The following GALNTL6 variants were observed in gnomAD, a reference collection of about 807,000 sequenced individuals.
GALNTL6 encodes polypeptide N-acetylgalactosaminyltransferase-like 6.
A neutral mutation model predicts 73.7 loss-of-function variants in GALNTL6; 46 were observed. The ratio of observed to expected loss-of-function variants is 0.62; its 90% CI spans 0.49 to 0.80. The LOEUF is 0.80. Among genes scored for constraint, GALNTL6 ranks in the 30% least tolerant of loss-of-function variants. The pLI is 0.00. For missense variants in GALNTL6, 604 were observed against 755.0 expected (o/e 0.80, Z 2.34); for synonymous variants, 259 against 263.7 (o/e 0.98, Z 0.17).
At chr4:172,150,982 G>A (rs533489783) in intron 2 of GALNTL6, among the ~76,000 whole-genome samples, 1 of 152,104 alleles carries the variant, frequency 6.6e-6, no homozygotes, top group African/African-American at 2.4e-5. Flanking sequence ...TCTACTATTT[G>A]GCATATGACA....
chr4:172,136,134 G>A (rs1733630184), intron 2 of GALNTL6, among the ~76,000 whole-genome samples: 1 of 152,110 alleles, frequency 6.6e-6, no homozygotes, highest in Admixed American at 6.5e-5. Flanking sequence ...GTGAATGAGA[G>A]ATAAATTTCA....
intron 2 of GALNTL6, among the ~76,000 whole-genome samples, chr4:171,878,128 T>C (rs1013308357): frequency 2.6e-5 from 4 of 152,184 alleles, no homozygotes; most frequent in Non-Finnish European, 5.9e-5. Context: ...ATAGCATCAG[T>C]CATTTGTGTT....
chr4:172,182,492 T>C (rs1735280530), intron 2 of GALNTL6, among the ~76,000 whole-genome samples: 1 of 149,446 alleles, frequency 6.7e-6, no homozygotes, highest in Admixed American at 6.7e-5. Context: ...AGATGGGATA[T>C]ATTTAAATAA....
chr4:172,444,406 G>A (rs372096695), intron 5 of GALNTL6, among the ~76,000 whole-genome samples: 67 of 152,200 alleles, frequency 4.4e-4, no homozygotes, highest in East Asian at 1.7e-3. Flanking sequence ...AGGTAGGCCC[G>A]TGACTGTGGC....
intron 5 of GALNTL6, among the ~76,000 whole-genome samples, chr4:172,563,555 A>G (rs574626231): frequency 6.6e-5 from 10 of 152,338 alleles, no homozygotes; most frequent in Admixed American, 2.0e-4. Context: ...GTTAGTTACT[A>G]TACTCAAAGA....
At chr4:172,611,373 G>A (rs868718795) in intron 5 of GALNTL6, among the ~76,000 whole-genome samples, 7 of 151,714 alleles carry the variant, frequency 4.6e-5, no homozygotes, top group Middle Eastern at 3.2e-3. Context: ...AGAAAGTAAT[G>A]AATACTCTTA....
intron 5 of GALNTL6, among the ~76,000 whole-genome samples, chr4:172,434,279 G>T (rs1343013075): frequency 6.6e-6 from 1 of 152,014 alleles, no homozygotes; most frequent in Non-Finnish European, 1.5e-5. Flanking sequence ...ACTCTTAGAA[G>T]TATTCCATTC....
intron 5 of GALNTL6, among the ~76,000 whole-genome samples, chr4:172,556,233 C>A (rs1449139952): frequency 6.6e-6 from 1 of 152,014 alleles, no homozygotes; most frequent in Admixed American, 6.5e-5. Context: ...CATCTTTAAA[C>A]ATTTTTGTGA....
chr4:172,825,955 G>C (rs192791749), intron 7 of GALNTL6, among the ~76,000 whole-genome samples: 4 of 152,226 alleles, frequency 2.6e-5, no homozygotes, highest in South Asian at 2.1e-4. Context: ...TTAACTTTTT[G>C]TAGTAATAGA....
chr4:171,978,297 G>A (rs1276351431), intron 2 of GALNTL6, among the ~76,000 whole-genome samples: 3 of 152,142 alleles, frequency 2.0e-5, no homozygotes, highest in African/African-American at 7.2e-5. Flanking sequence ...AAAAACCACA[G>A]TGATTAAAAA....
chr4:173,034,483 G>T lies in GALNTL6; in HGVS notation c.1639-5450G>T, dbSNP rs553121366. Among the ~76,000 whole-genome samples, 5 of 152,084 alleles carry T rather than the reference G, an allele frequency of 3.3e-5. No individual in the cohort carries two copies. In the South Asian group the frequency reaches 1.0e-3, roughly 32 times the overall value. Reference sequence around the variant, plus strand: ...ATACCATATGACTTGCTGGTCTGTGGCACAAGACCCAACCTCCATCACCTC... The same window carrying T: ...ATACCATATGACTTGCTGGTCTGTGTCACAAGACCCAACCTCCATCACCTC... On this transcript the variant is annotated intron_variant, in intron 12 of 12. Coordinates refer to ENST00000506823, the MANE Select transcript of GALNTL6 (RefSeq NM_001034845.3).
intron 2 of GALNTL6, among the ~76,000 whole-genome samples, chr4:171,947,397 C>T (rs1489600299): frequency 1.3e-5 from 2 of 151,882 alleles, no homozygotes; most frequent in Non-Finnish European, 2.9e-5. Context: ...TTAGGGTTAA[C>T]TTTTGCCTGC....
At chr4:172,785,219 T>A (rs866135260) in intron 5 of GALNTL6, among the ~76,000 whole-genome samples, 48 of 152,206 alleles carry the variant, frequency 3.2e-4, no homozygotes, top group African/African-American at 1.1e-3. Flanking sequence ...AAGAGATGAT[T>A]GATTGGAAAG....
Position 172,335,886 on chromosome 4 carries a change from T to C in GALNTL6, c.387-12637T>C, listed in dbSNP as rs143701357. 2.0e-5 allele frequency among the ~76,000 whole-genome samples: 3 copies of C among 152,340 alleles called. No homozygotes were observed. In the East Asian group the frequency reaches 5.8e-4, roughly 29 times the overall value. The stretch of plus-strand genomic sequence containing the variant: ...TATTGATCTTGTTTATCCTTTCAAA[T>C]AATCAACTTTTGGTTTTGCGATCCT... On this transcript the variant is annotated intron_variant, in intron 4 of 12. Coordinates refer to ENST00000506823, the MANE Select transcript of GALNTL6 (RefSeq NM_001034845.3).
intron 7 of GALNTL6, among the ~76,000 whole-genome samples, chr4:172,851,628 G>T (rs746263093): frequency 1.3e-5 from 2 of 152,130 alleles, no homozygotes; most frequent in Admixed American, 6.5e-5. Flanking sequence ...TACTGTTTCT[G>T]TAGCAATGGG....
intron 5 of GALNTL6, among the ~76,000 whole-genome samples, chr4:172,452,801 C>A (rs1348621925): frequency 6.6e-6 from 1 of 152,138 alleles, no homozygotes; most frequent in Non-Finnish European, 1.5e-5. Context: ...TACGTAAATT[C>A]ATAATCTATT....
chr4:172,211,208 C>T (rs1736312142), intron 2 of GALNTL6, among the ~76,000 whole-genome samples: 2 of 152,162 alleles, frequency 1.3e-5, no homozygotes, highest in Admixed American at 1.3e-4. Flanking sequence ...ACCATTTCCC[C>T]AAGGAGCCCT....
At chr4:172,119,576 C>T (rs1579157476) in intron 2 of GALNTL6, among the ~76,000 whole-genome samples, 1 of 152,142 alleles carries the variant, frequency 6.6e-6, no homozygotes, top group African/African-American at 2.4e-5. Context: ...TCATTTTAGA[C>T]TGTGCTGTGT....
chr4:172,222,868 G>T (rs1399860917), intron 2 of GALNTL6, among the ~76,000 whole-genome samples: 3 of 151,940 alleles, frequency 2.0e-5, no homozygotes, highest in Non-Finnish European at 4.4e-5. Flanking sequence ...GAGTGAATGG[G>T]AGTCATGATT....
Sources: allele counts gnomAD v4.1 joint callset (sites outside exome capture counted in the v4.1 genomes callset), GRCh38; gene constraint gnomAD v4.1.1; transcripts MANE v1.5; gene names NCBI Gene and HGNC (gene_info 2026-07-23, HGNC 2026-07-21).